Variants in CADPS2 observed in about 807,000 individuals in gnomAD.
The protein encoded by CADPS2 is calcium-dependent secretion activator 2.
Under a neutral mutation model 172.5 loss-of-function variants are expected in CADPS2, and 93 were observed. The ratio of observed to expected loss-of-function variants is 0.54; its 90% CI spans 0.46 to 0.64. CADPS2 has a LOEUF of 0.64. Ranked by LOEUF, CADPS2 falls within the 30% of genes least tolerant of loss-of-function variation. The pLI is 0.00. For synonymous variants in CADPS2, 546 were observed against 555.2 expected (o/e 0.98, Z 0.23); for missense variants, 1,420 against 1,565.9 (o/e 0.91, Z 1.57).
chr7:122,879,187 A>C (rs965960142), intron 1 of CADPS2, among the ~76,000 whole-genome samples: 8 of 151,544 alleles, frequency 5.3e-5, no homozygotes, highest in Admixed American at 3.9e-4. Context: ...CAGTGAGCCA[A>C]CATGGCACCA....
intron 25 of CADPS2, among the ~76,000 whole-genome samples, chr7:122,377,632 T>C (rs1330464523): frequency 6.6e-6 from 1 of 152,154 alleles, no homozygotes; most frequent in East Asian, 1.9e-4. Flanking sequence ...GTGCGTTGAC[T>C]GCGTGGTGAT....
At chr7:122,751,163 G>C (rs2092938124) in intron 1 of CADPS2, among the ~76,000 whole-genome samples, 1 of 152,056 alleles carries the variant, frequency 6.6e-6, no homozygotes, top group African/African-American at 2.4e-5. Flanking sequence ...TTTTTTGGTA[G>C]AGACAGGGTC....
At chr7:122,755,245 C>G (rs1343128733) in intron 1 of CADPS2, among the ~76,000 whole-genome samples, 1 of 152,080 alleles carries the variant, frequency 6.6e-6, no homozygotes, top group Non-Finnish European at 1.5e-5. Context: ...TGCCAAGGTA[C>G]CAAGCAAACC....
intron 2 of CADPS2, among the ~76,000 whole-genome samples, chr7:122,678,808 A>G (rs1387361088): frequency 6.6e-6 from 1 of 152,194 alleles, no homozygotes; most frequent in Non-Finnish European, 1.5e-5. Flanking sequence ...AATTATGCCT[A>G]CATTTTAGCA....
intron 1 of CADPS2, among the ~76,000 whole-genome samples, chr7:122,755,933 A>G (rs2093141514): frequency 6.6e-6 from 1 of 152,210 alleles, no homozygotes. Context: ...TTAACAAAAT[A>G]GTGAATATAA....
At chr7:122,500,475 T>C (rs1427563513) in intron 9 of CADPS2, among the ~76,000 whole-genome samples, 1 of 152,156 alleles carries the variant, frequency 6.6e-6, no homozygotes, top group Non-Finnish European at 1.5e-5. Flanking sequence ...TGTATCCTCT[T>C]CCACTTACCA....
At chr7:122,335,612 T>C (rs953759665) in intron 28 of CADPS2, among the ~76,000 whole-genome samples, 15 of 152,224 alleles carry the variant, frequency 9.9e-5, no homozygotes, top group African/African-American at 3.4e-4. Context: ...GGGAAAGTTA[T>C]ATATTAGAAT....
At chr7:122,702,728 G>C (rs757324524) in intron 2 of CADPS2, 9 of 1,606,464 alleles carry the variant, frequency 5.6e-6, no homozygotes, top group Middle Eastern at 1.7e-4. Context: ...ATGCGTCGAA[G>C]GGGTAATTCT....
intron 1 of CADPS2, among the ~76,000 whole-genome samples, chr7:122,759,568 A>G (rs1350876582): frequency 6.6e-6 from 1 of 152,274 alleles, no homozygotes; most frequent in Non-Finnish European, 1.5e-5. Flanking sequence ...TTTCAGAAAA[A>G]AAGGCTTTTG....
chr7:122,607,602 T>C lies in CADPS2; in HGVS notation c.1223+7579A>G, dbSNP rs2073750728. Among the ~76,000 whole-genome samples, 3 of 152,204 alleles carry C rather than the reference T, an allele frequency of 2.0e-5. No homozygotes were observed. In the South Asian group the frequency reaches 6.2e-4, roughly 31 times the overall value. On this transcript the variant is annotated intron_variant, in intron 6 of 29. Transcript: ENST00000449022. ...TTCTCATGCTGTTTTTCACTGGAGC[T>C]CATGAATGCTCTTCAGCTAACATCT...
At chr7:122,718,780 G>C (rs143016464) in intron 2 of CADPS2, among the ~76,000 whole-genome samples, 6 of 152,188 alleles carry the variant, frequency 3.9e-5, no homozygotes, top group Non-Finnish European at 8.8e-5. Flanking sequence ...ACCAAGTTGT[G>C]AGCTCAAGAC....
intron 1 of CADPS2, 60 bp from the exon 2 acceptor site, chr7:122,737,128 A>G (rs1363236219): frequency 1.2e-6 from 1 of 811,476 alleles, no homozygotes; most frequent in African/African-American, 1.7e-5. Context: ...AATAATGACT[A>G]TTAAAAATCA....
At chr7:122,786,725 G>A (rs1794133500) in intron 1 of CADPS2, among the ~76,000 whole-genome samples, 1 of 152,082 alleles carries the variant, frequency 6.6e-6, no homozygotes, top group African/African-American at 2.4e-5. Flanking sequence ...TGAGAATTGA[G>A]TCGAGGACAA....
chr7:122,874,224 A>G (rs1820607613), intron 1 of CADPS2, among the ~76,000 whole-genome samples: 1 of 152,130 alleles, frequency 6.6e-6, no homozygotes, highest in Admixed American at 6.5e-5. Context: ...TTAGTCATAA[A>G]GTCTGCCCTT....
chr7:122,649,125 A>T (rs1238324547), intron 3 of CADPS2, among the ~76,000 whole-genome samples: 1 of 151,332 alleles, frequency 6.6e-6, no homozygotes, highest in African/African-American at 2.4e-5. Flanking sequence ...TAAGGCCCTA[A>T]ATATTCAAAT....
At chr7:122,701,792 G>T (rs765554573) in intron 2 of CADPS2, 9 of 1,266,558 alleles carry the variant, frequency 7.1e-6, no homozygotes, top group Non-Finnish European at 1.0e-5. Context: ...CTTTGTATTT[G>T]GAAAGATCTG....
chr7:122,676,516 A>G, intron 2 of CADPS2: 1 of 485,514 alleles, frequency 2.1e-6, no homozygotes, highest in Non-Finnish European at 3.6e-6. Flanking sequence ...CTACATTGCA[A>G]TACAATAAGC....
chr7:122,408,750 A>G (rs1321827029), intron 19 of CADPS2, among the ~76,000 whole-genome samples: 1 of 152,174 alleles, frequency 6.6e-6, no homozygotes, highest in African/African-American at 2.4e-5. Flanking sequence ...GGATTATAAC[A>G]GGAAAATACA....
intron 7 of CADPS2, among the ~76,000 whole-genome samples, chr7:122,580,020 T>A (rs557342124): frequency 7.9e-5 from 12 of 152,258 alleles, no homozygotes; most frequent in Admixed American, 5.2e-4. Flanking sequence ...GTATACAGAA[T>A]GATCCTAGCA....
Sources: allele counts gnomAD v4.1 joint callset (sites outside exome capture counted in the v4.1 genomes callset), GRCh38; gene constraint gnomAD v4.1.1; transcripts MANE v1.5; gene names NCBI Gene and HGNC (gene_info 2026-07-23, HGNC 2026-07-21).